KATNB1: variants seen among roughly 807,000 people sequenced by gnomAD.
KATNB1 encodes katanin p80 WD40 repeat-containing subunit B1.
A neutral mutation model predicts 82.3 loss-of-function variants in KATNB1; 38 were observed. The ratio of observed to expected loss-of-function variants is 0.46; its 90% CI spans 0.36 to 0.61. The LOEUF (loss-of-function observed/expected upper bound fraction) is 0.61, where lower values mean the gene tolerates loss of function less well. KATNB1 is among the 20% of genes least tolerant of loss of function. The pLI is 0.00. For missense variants in KATNB1, 749 were observed against 915.7 expected, an observed-to-expected ratio of 0.82 and a Z score of 2.35; for synonymous variants, 361 against 368.7, an observed-to-expected ratio of 0.98 and a Z score of 0.24.
At chr16:57,739,492 TA>T (rs1179095565) in intron 2 of KATNB1, among the ~76,000 whole-genome samples, 1 of 152,226 alleles carries the variant, frequency 6.6e-6, no homozygotes, top group Non-Finnish European at 1.5e-5. Flanking sequence ...GGCCTGCCAG[TA>T]GACACTGAGG....
intron 12 of KATNB1, 74 bp from the exon 13 acceptor site, chr16:57,753,871 A>G: frequency 7.0e-7 from 1 of 1,433,540 alleles, no homozygotes; most frequent in Non-Finnish European, 9.8e-7. Flanking sequence ...CGTCCCCCGC[A>G]CTCTGGACAG....
chr16:57,741,962 G>C lies in KATNB1; in HGVS notation c.171+145G>C, dbSNP rs1476446580. ...CGCTGGGGCCCAGCTCAGGGGTGGA[G>C]GGGGCGTGGTGGGGACACCATCAGT... On this transcript the variant is annotated intron_variant, in intron 3 of 19. Transcript: ENST00000379661. 1.5e-5 allele frequency: 15 copies of C among 986,592 alleles called. No homozygotes were observed. In the South Asian group the frequency reaches 2.2e-4, roughly 15 times the overall value. The allele number at this position is 986,592 out of a possible 1,614,324, so 61.1% of individuals were successfully genotyped here.
rs1308158344 is a variant in KATNB1 at position 57,742,532 on chromosome 16, TACTC to T, written c.171+717_171+720del. ...GCATGTACACATGTATACACACAAA[TACTC>T]ATACAAGCACACACACATAAATAAA... On this transcript the variant is annotated intron_variant, in intron 3 of 19. Transcript: ENST00000379661. 3.9e-5 allele frequency among the ~76,000 whole-genome samples: 6 copies of T among 152,332 alleles called. No homozygotes were observed. In the East Asian group the frequency reaches 7.7e-4, roughly 20 times the overall value.
chr16:57,748,321 G>A (rs1195603255), intron 4 of KATNB1, among the ~76,000 whole-genome samples: 1 of 152,060 alleles, frequency 6.6e-6, no homozygotes, highest in Non-Finnish European at 1.5e-5. Context: ...CCCAGGTGTG[G>A]AAAGGTTCCA....
chr16:57,753,131 C>A lies in KATNB1; in HGVS notation c.910C>A (p.Arg304Ser), dbSNP rs900019824. The A allele has an allele frequency of 4.3e-6, 7 of 1,611,116 alleles. No individual in the cohort carries two copies. The African/African-American group carries it at 8.0e-5, about 18-fold the overall frequency. The change falls in exon 11 of 20, where the codon CGT becomes AGT. Residue 304 changes from arginine to serine, a missense_variant. Transcript: ENST00000379661. ...NVSSYVVDLT[R>S]VTRTGTVARD... ...CTCCTCCTACGTGGTGGATCTGACG[C>A]GTGTCACCAGGACTGGCACGGTGGC...
In KATNB1 at chr16:57,741,809, T is replaced by C; in HGVS notation, c.163T>C (p.Cys55Arg). The C allele has an allele frequency of 6.2e-7, 1 of 1,613,196 alleles. No homozygotes were observed. Among genetic ancestry groups the C allele is most frequent in the Non-Finnish European group, 8.5e-7 (1 of 1,179,764 alleles). ...VNLWSINKPN[C>R]IMSLTGHTSP... ...CCTGTGGTCCATCAACAAGCCCAAC[T>C]GCATCATGGTGAGCCCCGACAGCTG... The change falls in exon 3 of 20, where the codon TGC becomes CGC. Residue 55 changes from cysteine to arginine, a missense_variant. Coordinates refer to ENST00000379661, the MANE Select transcript of KATNB1 (RefSeq NM_005886.3).
intron 18 of KATNB1, 128 bp from the exon 19 acceptor site, chr16:57,756,228 G>A: frequency 9.0e-7 from 1 of 1,105,774 alleles, no homozygotes; most frequent in Middle Eastern, 2.0e-4. Flanking sequence ...GTGGAAACAG[G>A]CGTGTGTGGG....
chr16:57,750,880 C>G lies in KATNB1; in HGVS notation c.343C>G (p.Pro115Ala). 1 of 1,614,156 alleles carries G rather than the reference C, an allele frequency of 6.2e-7. No individual in the cohort carries two copies. The highest frequency in any genetic ancestry group is 8.5e-7 in the Non-Finnish European group (1 of 1,180,026). ...CAACATCTGCAGCCTGGATTTCCAC[C>G]CGTACGGCGAGTTTGTAGCCTCTGG... ...KANICSLDFHPYGEFVASGSQ... is the reference protein window; with the variant it reads ...KANICSLDFHAYGEFVASGSQ... Residue 115 changes from proline to alanine, a missense_variant, in exon 5 of 20, where the codon CCG (proline) becomes GCG (alanine). Pro to Ala is a conservative substitution (Grantham distance 27). Coordinates refer to ENST00000379661, the MANE Select transcript of KATNB1 (RefSeq NM_005886.3).
rs12934225 is a variant in KATNB1, at chr16:57,741,390, G to A, written c.41-297G>A. Among the ~76,000 whole-genome samples, 12,341 of 152,278 alleles carry A rather than the reference G, an allele frequency of 0.081. 577 individuals are homozygous for A. Among genetic ancestry groups the A allele is most frequent in the South Asian group, 0.12 (579 of 4,820 alleles). On this transcript the variant is annotated intron_variant, in intron 2 of 19. Coordinates refer to ENST00000379661, the MANE Select transcript of KATNB1 (RefSeq NM_005886.3). ...ATAGCAAGTCAATTTTAAAAATTGC[G>A]TATAACTAGTCAATATTACCAGGTG...
chr16:57,739,657 C>G (rs1357221412), intron 2 of KATNB1, among the ~76,000 whole-genome samples: 1 of 152,168 alleles, frequency 6.6e-6, no homozygotes, highest in African/African-American at 2.4e-5. Flanking sequence ...TCTGCCCTCC[C>G]TCTGTGGGCT....
rs781803277 is a variant in KATNB1, at chr16:57,752,837, G to A, written c.764G>A (p.Arg255His). The A allele has an allele frequency of 1.7e-5, 27 of 1,610,978 alleles. No homozygotes were observed. Among genetic ancestry groups the A allele is most frequent in the Non-Finnish European group, 2.1e-5 (25 of 1,179,838 alleles). Reference protein sequence around the residue: ...CLYSGCQDSLRVYGWEPERCF... With the variant: ...CLYSGCQDSLHVYGWEPERCF... ...TACAGCGGCTGCCAGGACTCACTGCGTGTCTACGGCTGGGAACCTGAGCGG... is the reference window on the plus strand; with the variant it reads ...TACAGCGGCTGCCAGGACTCACTGCATGTCTACGGCTGGGAACCTGAGCGG... The change falls in exon 10 of 20, where the codon CGT becomes CAT. Residue 255 changes from arginine (R) to histidine (H), a missense_variant. Around this residue, in one of 3 missense-constraint regions of KATNB1, gnomAD observed 407 missense variants for 434.7 expected, o/e 0.94. Coordinates refer to ENST00000379661, the MANE Select transcript of KATNB1 (RefSeq NM_005886.3).
At position 57,752,814 on chromosome 16, in the gene KATNB1, C is replaced by T. The variant is rs781825870; in HGVS notation, c.741C>T (p.Tyr247=). The change falls in exon 10 of 20, where the codon TAC becomes TAT. Residue 247 remains tyrosine (Y), a synonymous_variant. Coordinates refer to ENST00000379661, the MANE Select transcript of KATNB1 (RefSeq NM_005886.3). The stretch of plus-strand genomic sequence containing the variant: ...TCAACCCAGACGGCTGCTGCCTGTA[C>T]AGCGGCTGCCAGGACTCACTGCGTG... ...VLFNPDGCCL[Y]SGCQDSLRVY... The T allele has an allele frequency of 1.1e-5, 18 of 1,610,770 alleles. No individual in the cohort carries two copies. The highest frequency in any genetic ancestry group is 2.2e-5 in the South Asian group (2 of 90,922).
At chr16:57,738,231 G>A (rs1357746925) in intron 2 of KATNB1, among the ~76,000 whole-genome samples, 1 of 151,516 alleles carries the variant, frequency 6.6e-6, no homozygotes. Context: ...TCCCTGGGCT[G>A]GTTTTCAGGA....
chr16:57,748,461 A>AT (rs60376635), intron 4 of KATNB1, among the ~76,000 whole-genome samples: 8,350 of 82,002 alleles, frequency 0.1, 484 homozygotes, highest in East Asian at 0.19. Context: ...CCCCATCTCT[A>AT]TTTTTTTAAA....
Position 57,754,986 on chromosome 16 carries a change from C to T in KATNB1, c.1285C>T (p.Pro429Ser), listed in dbSNP as rs1555585123. 1 of 1,614,088 alleles carries T rather than the reference C, an allele frequency of 6.2e-7. No homozygotes were observed. The highest frequency in any genetic ancestry group is 1.7e-5 in the Admixed American group (1 of 60,028). Residue 429 changes from proline (P) to serine (S), a missense_variant, in exon 14 of 20, where the codon CCG becomes TCG. Coordinates refer to ENST00000379661, the MANE Select transcript of KATNB1 (RefSeq NM_005886.3). ...CAGCCCTGCCATGGATGTGCAGTTC[C>T]CGGTGCCAAATGTATGTCCATGGAG... The part of the protein sequence containing the change: ...KPSPAMDVQF[P>S]VPNLEVLPRP...
In KATNB1 at chr16:57,753,062, C is replaced by T. The variant is rs1555584030; in HGVS notation, c.856-15C>T. 1.9e-6 allele frequency: 3 copies of T among 1,594,428 alleles called. No individual in the cohort carries two copies. Among genetic ancestry groups the T allele is most frequent in the Admixed American group, 3.4e-5 (2 of 59,398 alleles). On this transcript the variant is annotated splice_polypyrimidine_tract_variant and intron_variant, in intron 10 of 19. Coordinates refer to ENST00000379661, the MANE Select transcript of KATNB1 (RefSeq NM_005886.3). Reference sequence around the variant, plus strand: ...TCGGCTTGCAGTCCCAGCCCCACCTCTCCGCTTTCTGCAGATAGGTGTGGC... The same window carrying T: ...TCGGCTTGCAGTCCCAGCCCCACCTTTCCGCTTTCTGCAGATAGGTGTGGC...
intron 9 of KATNB1, 32 bp from the exon 10 acceptor site, chr16:57,752,746 C>T (rs2049238836): frequency 6.2e-7 from 1 of 1,602,204 alleles, no homozygotes; most frequent in Admixed American, 1.7e-5. Flanking sequence ...CTGGGTGCCA[C>T]AGGACCCACG....
chr16:57,754,440 G>C (rs2967123), intron 13 of KATNB1, among the ~76,000 whole-genome samples: 93,346 of 152,144 alleles, frequency 0.61, 31,971 homozygotes, highest in Non-Finnish European at 0.77. Flanking sequence ...GAGCTGGGGC[G>C]AGTCCCAGCA....
In KATNB1 at chr16:57,753,110, T is replaced by G. The variant is rs572963582; in HGVS notation, c.889T>G (p.Ser297Ala). 54 of 1,609,316 alleles carry G rather than the reference T, an allele frequency of 3.4e-5. No individual in the cohort carries two copies. The highest frequency in any genetic ancestry group is 1.7e-4 in the Admixed American group (10 of 59,926). Residue 297 changes from serine to alanine, a missense_variant, in exon 11 of 20, where the codon TCC (serine) becomes GCC (alanine). Ser to Ala is a moderately conservative substitution (Grantham distance 99, BLOSUM62 1). This residue lies in a region of KATNB1 where 407 missense variants were observed against 434.7 expected (regional missense o/e 0.94). Coordinates refer to ENST00000379661, the MANE Select transcript of KATNB1 (RefSeq NM_005886.3). Reference sequence around the variant, plus strand: ...GGCCTTCTCCCAGAGCAACGTCTCCTCCTACGTGGTGGATCTGACGCGTGT... The same window carrying G: ...GGCCTTCTCCCAGAGCAACGTCTCCGCCTACGTGGTGGATCTGACGCGTGT... ...GVAFSQSNVS[S>A]YVVDLTRVTR...
Sources: allele counts gnomAD v4.1 joint callset (sites outside exome capture counted in the v4.1 genomes callset), GRCh38; gene constraint gnomAD v4.1.1; regional missense constraint gnomAD v4.1.1; transcripts MANE v1.5; gene names NCBI Gene and HGNC (gene_info 2026-07-23, HGNC 2026-07-21).